Variants in HEATR5A observed in about 807,000 individuals in gnomAD.
HEATR5A encodes the protein HEAT repeat-containing protein 5A.
A neutral mutation model predicts 218.8 loss-of-function variants in HEATR5A; 178 were observed. That is an observed-to-expected ratio of 0.81 (90% CI 0.72 to 0.92). The LOEUF (loss-of-function observed/expected upper bound fraction) is 0.92. HEATR5A is among the 40% of genes least tolerant of loss of function. The pLI is 0.00. For missense variants in HEATR5A, 2,420 were observed against 2,418.9 expected, an observed-to-expected ratio of 1.00 and a Z score of -0.01; for synonymous variants, 864 against 871.6, an observed-to-expected ratio of 0.99 and a Z score of 0.15.
At chr14:31,306,027 T>C (rs1159009159) in intron 31 of HEATR5A, among the ~76,000 whole-genome samples, 1 of 152,252 alleles carries the variant, frequency 6.6e-6, no homozygotes, top group Non-Finnish European at 1.5e-5. Context: ...ATAAGTTCTT[T>C]CCATGCACGT....
intron 19 of HEATR5A, among the ~76,000 whole-genome samples, chr14:31,347,380 T>C (rs1426855093): frequency 6.6e-6 from 1 of 152,090 alleles, no homozygotes; most frequent in Non-Finnish European, 1.5e-5. Flanking sequence ...CCCGGCTAAT[T>C]TTTGTATCTT....
At chr14:31,408,550 T>C (rs933404257) in intron 1 of HEATR5A, among the ~76,000 whole-genome samples, 4 of 152,036 alleles carry the variant, frequency 2.6e-5, no homozygotes, top group Non-Finnish European at 4.4e-5. Context: ...TATGAGTAAG[T>C]TGAACTATAT....
chr14:31,323,657 C>A lies in HEATR5A; in HGVS notation c.3695G>T (p.Cys1232Phe). The change falls in exon 24 of 36, where the codon TGT (cysteine) becomes TTT (phenylalanine). Residue 1232 changes from cysteine to phenylalanine, a missense_variant. Cys to Phe is a radical substitution (Grantham distance 205, BLOSUM62 -2). Coordinates refer to ENST00000543095, the MANE Select transcript of HEATR5A (RefSeq NM_015473.4). ...ACATTGGTTAATTATCCTACAGACACATTCAGCAGCAAAGACTCTAGTAGC... is the reference window on the plus strand; with the variant it reads ...ACATTGGTTAATTATCCTACAGACAAATTCAGCAGCAAAGACTCTAGTAGC... ...RWATRVFAAE[C>F]VCRIINQCEN... is the part of the protein sequence containing the mutation. 6.2e-7 allele frequency: 1 copy of A among 1,613,462 alleles called. No homozygotes were observed. The highest frequency in any genetic ancestry group is 8.5e-7 in the Non-Finnish European group (1 of 1,179,562).
chr14:31,387,407 T>G (rs1566778432), intron 7 of HEATR5A, 32 bp from the exon 8 acceptor site: 2 of 1,516,718 alleles, frequency 1.3e-6, no homozygotes, highest in Admixed American at 3.8e-5. Context: ...TTTTCAATAT[T>G]AAATTGTTTC....
At chr14:31,319,682 GTTC>G (rs1566752512) in intron 25 of HEATR5A, among the ~76,000 whole-genome samples, 2 of 152,102 alleles carry the variant, frequency 1.3e-5, no homozygotes, top group East Asian at 1.9e-4. Context: ...TATCTTCCTT[GTTC>G]TTCTTAAATT....
At chr14:31,330,940 C>CTTTT (rs764303670) in intron 22 of HEATR5A, among the ~76,000 whole-genome samples, 11 of 75,962 alleles carry the variant, frequency 1.4e-4, no homozygotes, top group East Asian at 3.6e-4. Flanking sequence ...CTTCCCTCAC[C>CTTTT]TTTTTTTTTT....
chr14:31,312,491 C>T (rs1899789442), intron 28 of HEATR5A, among the ~76,000 whole-genome samples: 1 of 151,268 alleles, frequency 6.6e-6, no homozygotes, highest in Non-Finnish European at 1.5e-5. Context: ...CAGCTCACTG[C>T]AACTTCAGCC....
chr14:31,320,332 C>G (rs537525296), intron 25 of HEATR5A: 303 of 808,148 alleles, frequency 3.7e-4, no homozygotes, highest in Admixed American at 7.6e-4. Flanking sequence ...GCTTGAGAGA[C>G]AGCTTCCTGG....
intron 1 of HEATR5A, among the ~76,000 whole-genome samples, chr14:31,415,072 T>C (rs774073742): frequency 2.0e-5 from 3 of 152,216 alleles, no homozygotes; most frequent in African/African-American, 7.2e-5. Flanking sequence ...ATTCCTGACC[T>C]GGTGATCCGC....
intron 16 of HEATR5A, among the ~76,000 whole-genome samples, chr14:31,354,102 A>AT (rs553004178): frequency 8.4e-4 from 122 of 145,548 alleles, no homozygotes; most frequent in South Asian, 1.3e-3. Flanking sequence ...CCTGGCCGGC[A>AT]TTTTTTTTTT....
intron 11 of HEATR5A, among the ~76,000 whole-genome samples, chr14:31,375,703 T>G (rs1198272266): frequency 6.6e-6 from 1 of 152,140 alleles, no homozygotes; most frequent in Admixed American, 6.6e-5. Context: ...GTATTCTTGA[T>G]CTTCAGAATA....
At chr14:31,402,555 A>C (rs2030918189) in intron 2 of HEATR5A, among the ~76,000 whole-genome samples, 1 of 152,232 alleles carries the variant, frequency 6.6e-6, no homozygotes, top group Non-Finnish European at 1.5e-5. Context: ...ATAGATGCAG[A>C]CCATAACAAA....
chr14:31,338,313 A>G (rs946829087), intron 21 of HEATR5A, among the ~76,000 whole-genome samples: 1 of 152,242 alleles, frequency 6.6e-6, no homozygotes, highest in Admixed American at 6.5e-5. Context: ...ATCAGACAAC[A>G]TACAAAGTAA....
chr14:31,330,184 A>G (rs977858019), intron 22 of HEATR5A, among the ~76,000 whole-genome samples: 1 of 152,214 alleles, frequency 6.6e-6, no homozygotes, highest in Non-Finnish European at 1.5e-5. Flanking sequence ...ATGCATCCTC[A>G]GAAATCTAGG....
chr14:31,376,300 G>A (rs1902225556), intron 11 of HEATR5A, among the ~76,000 whole-genome samples: 1 of 152,152 alleles, frequency 6.6e-6, no homozygotes, highest in Admixed American at 6.6e-5. Flanking sequence ...AGGATTGCTT[G>A]AGGCCAGGCA....
In HEATR5A at chr14:31,388,826, A is replaced by G. The variant is rs1287746146; in HGVS notation, c.933+19T>C. The G allele has an allele frequency of 3.1e-6, 5 of 1,607,180 alleles. No homozygotes were observed. Among genetic ancestry groups the G allele is most frequent in the Non-Finnish European group, 4.3e-6 (5 of 1,173,748 alleles). ...AGGCCAGTAAGAGTTAGACTGAGAT[A>G]CTGATTTGTGATTCCAACCTGAGTA... On this transcript the variant is annotated intron_variant, in intron 7 of 35. Transcript: ENST00000543095.
rs1328649713 is a variant in HEATR5A, at chr14:31,304,958, A to G, written c.5186T>C (p.Val1729Ala). 2 of 1,613,972 alleles carry G rather than the reference A, an allele frequency of 1.2e-6. No individual in the cohort carries two copies. Among genetic ancestry groups the G allele is most frequent in the Admixed American group, 3.3e-5 (2 of 60,006 alleles). Residue 1729 changes from valine to alanine, a missense_variant, in exon 32 of 36, where the codon GTT becomes GCT. By Grantham distance (64) the Val-to-Ala change is moderately conservative. Transcript: ENST00000543095. Reference protein sequence around the residue: ...QILLEDGSRLVSAALVILSEL... With the variant: ...QILLEDGSRLASAALVILSEL... ...GGAAAGGATAACCAATGCAGCTGAA[A>G]CCAATCTACTTCCATCTTCTAATAG... is the stretch of plus-strand genomic sequence containing the variant.
intron 24 of HEATR5A, among the ~76,000 whole-genome samples, chr14:31,323,095 T>G (rs775801021): frequency 2.0e-5 from 3 of 152,204 alleles, no homozygotes; most frequent in Non-Finnish European, 4.4e-5. Context: ...TGAGAACTAG[T>G]AAATGTTCAT....
At chr14:31,355,594 C>CTA (rs1901397322) in intron 16 of HEATR5A, among the ~76,000 whole-genome samples, 1 of 151,438 alleles carries the variant, frequency 6.6e-6, no homozygotes, top group African/African-American at 2.4e-5. Context: ...ATTAGCCAGG[C>CTA]ATGGGGGTGC....
Sources: allele counts gnomAD v4.1 joint callset (sites outside exome capture counted in the v4.1 genomes callset), GRCh38; gene constraint gnomAD v4.1.1; transcripts MANE v1.5; gene names NCBI Gene and HGNC (gene_info 2026-07-23, HGNC 2026-07-21).